The following LRRC3B variants were observed in gnomAD, a reference collection of about 807,000 sequenced individuals.
The protein encoded by LRRC3B is leucine rich repeat containing 3B, also known as leucine-rich repeat-containing protein 3B.
In LRRC3B, 2 loss-of-function variants were observed where a neutral mutation model predicts 12.8. The ratio of observed to expected loss-of-function variants is 0.16; its 90% CI spans 0.06 to 0.49. The LOEUF (loss-of-function observed/expected upper bound fraction) is 0.49, where lower values mean the gene tolerates loss of function less well. Ranked by LOEUF, LRRC3B falls within the 20% of genes least tolerant of loss-of-function variation. The pLI is 0.96. For synonymous variants in LRRC3B, 132 were observed against 122.0 expected, an observed-to-expected ratio of 1.08 and a Z score of -0.54; for missense variants, 189 against 319.4, an observed-to-expected ratio of 0.59 and a Z score of 3.11.
At chr3:26,666,362 A>T (rs1481154994) in intron 1 of LRRC3B, among the ~76,000 whole-genome samples, 2 of 152,088 alleles carry the variant, frequency 1.3e-5, no homozygotes, top group Non-Finnish European at 2.9e-5. Flanking sequence ...CCATACCAAG[A>T]CAGAAGAAGT....
intron 1 of LRRC3B, among the ~76,000 whole-genome samples, chr3:26,700,724 G>C (rs187322592): frequency 2.0e-5 from 3 of 152,170 alleles, no homozygotes; most frequent in Non-Finnish European, 4.4e-5. Flanking sequence ...AAAAAAATTA[G>C]AGTTTAGCTG....
intron 1 of LRRC3B, among the ~76,000 whole-genome samples, chr3:26,653,189 C>G (rs899825882): frequency 4.0e-5 from 6 of 151,024 alleles, no homozygotes; most frequent in African/African-American, 9.7e-5. Context: ...TGAAAAAATT[C>G]AAAAGACTTA....
chr3:26,666,924 C>G (rs1699616657), intron 1 of LRRC3B, among the ~76,000 whole-genome samples: 1 of 152,026 alleles, frequency 6.6e-6, no homozygotes. Flanking sequence ...AATGTGTCAA[C>G]TACAACACTT....
intron 1 of LRRC3B, among the ~76,000 whole-genome samples, chr3:26,701,887 T>C (rs1700465093): frequency 6.6e-6 from 1 of 152,134 alleles, no homozygotes; most frequent in Non-Finnish European, 1.5e-5. Flanking sequence ...AGTTATATGG[T>C]AACTAACTTT....
chr3:26,668,615 G>T (rs1026759396), intron 1 of LRRC3B, among the ~76,000 whole-genome samples: 1 of 152,152 alleles, frequency 6.6e-6, no homozygotes, highest in African/African-American at 2.4e-5. Flanking sequence ...GACTGCTAAA[G>T]CCTTTTTAAT....
intron 1 of LRRC3B, among the ~76,000 whole-genome samples, chr3:26,651,608 T>C (rs1368406061): frequency 5.9e-5 from 9 of 152,204 alleles, no homozygotes; most frequent in Admixed American, 5.9e-4. Context: ...AATGAATGAA[T>C]GAATGAATGA....
intron 1 of LRRC3B, among the ~76,000 whole-genome samples, chr3:26,671,371 T>TAGAGAGAGAGAGAGAGAGAGAGAGAG (rs1207421811): frequency 1.4e-4 from 5 of 35,954 alleles, no homozygotes; most frequent in Non-Finnish European, 1.4e-4. Flanking sequence ...TATATATATA[T>TAGAGAGAGAGAGAGAGAGAGAGAGAG]ATAGAGAGAG....
chr3:26,633,547 C>A (rs1698804539), intron 1 of LRRC3B, among the ~76,000 whole-genome samples: 1 of 152,112 alleles, frequency 6.6e-6, no homozygotes, highest in African/African-American at 2.4e-5. Flanking sequence ...TGTTCAAGAA[C>A]CCTGAACAAA....
In LRRC3B at chr3:26,692,302, C is replaced by G. The variant is rs9841220; in HGVS notation, c.-160-17211C>G. On this transcript the variant is annotated intron_variant, in intron 1 of 1. Coordinates refer to ENST00000396641, the Ensembl canonical transcript of LRRC3B. ...GACTCAGATAGTCTGACTTCTGAGT[C>G]CCTGGTCTTAACCCCTGGACTATAC... Among the ~76,000 whole-genome samples the G allele has an allele frequency of 4.7e-3, 723 of 152,228 alleles. 2 individuals are homozygous for G. Among genetic ancestry groups the G allele is most frequent in the African/African-American group, 0.016 (675 of 41,524 alleles).
At chr3:26,686,265 A>G (rs956179210) in intron 1 of LRRC3B, among the ~76,000 whole-genome samples, 1 of 151,752 alleles carries the variant, frequency 6.6e-6, no homozygotes. Flanking sequence ...ATTTTTAGTA[A>G]AGATGGGGTT....
intron 1 of LRRC3B, among the ~76,000 whole-genome samples, chr3:26,630,798 C>T (rs1042100738): frequency 6.6e-6 from 1 of 152,086 alleles, no homozygotes; most frequent in Non-Finnish European, 1.5e-5. Context: ...GGTCTCTAAC[C>T]CCAAGAACTG....
intron 1 of LRRC3B, among the ~76,000 whole-genome samples, chr3:26,678,011 C>A (rs1699896466): frequency 6.6e-6 from 1 of 151,972 alleles, no homozygotes; most frequent in African/African-American, 2.4e-5. Flanking sequence ...GAGACGAGAT[C>A]TCGCCATGTT....
At chr3:26,693,246 G>A (rs1031827092) in intron 1 of LRRC3B, among the ~76,000 whole-genome samples, 1 of 147,008 alleles carries the variant, frequency 6.8e-6, no homozygotes, top group Non-Finnish European at 1.5e-5. Context: ...GGAGAATGGC[G>A]TGAACCCGGG....
chr3:26,709,853 G>C (rs374191641), exon 2 of LRRC3B: 1 of 1,614,108 alleles, frequency 6.2e-7, no homozygotes, highest in African/African-American at 1.3e-5. Context: ...AATACCTAGA[G>C]ATCTTCCTCC....
chr3:26,687,980 G>A (rs2125446861), intron 1 of LRRC3B, among the ~76,000 whole-genome samples: 1 of 152,326 alleles, frequency 6.6e-6, no homozygotes, highest in African/African-American at 2.4e-5. Flanking sequence ...ACTTTTGTCA[G>A]ATTCCTCCTT....
intron 1 of LRRC3B, among the ~76,000 whole-genome samples, chr3:26,670,916 C>CTT (rs1699706584): frequency 6.7e-6 from 1 of 148,894 alleles, no homozygotes; most frequent in Admixed American, 6.7e-5. Flanking sequence ...TGCTTTAGTT[C>CTT]TTTTATTTAA....
chr3:26,641,674 G>T (rs1167684751), intron 1 of LRRC3B, among the ~76,000 whole-genome samples: 2 of 152,070 alleles, frequency 1.3e-5, no homozygotes, highest in East Asian at 1.9e-4. Context: ...TGGTAAAGCA[G>T]CAATGATGAC....
intron 1 of LRRC3B, among the ~76,000 whole-genome samples, chr3:26,707,831 C>T (rs929177118): frequency 1.3e-5 from 2 of 151,948 alleles, no homozygotes; most frequent in African/African-American, 4.8e-5. Context: ...CCATGCAATA[C>T]AGTTTTGAAG....
At chr3:26,705,176 T>A (rs1700555223) in intron 1 of LRRC3B, among the ~76,000 whole-genome samples, 1 of 152,194 alleles carries the variant, frequency 6.6e-6, no homozygotes, top group South Asian at 2.1e-4. Flanking sequence ...CCCTGTTAAA[T>A]GCACTGGTTT....
Sources: gnomAD v4.1 joint callset for allele counts (sites outside exome capture counted in the v4.1 genomes callset) on GRCh38, gnomAD v4.1.1 for gene constraint, MANE v1.5 for transcripts, NCBI Gene and HGNC (gene_info 2026-07-23, HGNC 2026-07-21) for gene names.